The following SPIDR variants were observed in gnomAD, a reference collection of about 807,000 sequenced individuals.
SPIDR encodes DNA repair-scaffolding protein.
SPIDR carries 93 observed loss-of-function variants against 104.6 expected under a neutral mutation model. The ratio of observed to expected loss-of-function variants is 0.89; its 90% CI spans 0.75 to 1.06. The LOEUF (loss-of-function observed/expected upper bound fraction) is 1.06. Ranked by LOEUF, SPIDR falls within the 50% of genes least tolerant of loss-of-function variation. The pLI, the probability that SPIDR is intolerant of heterozygous loss-of-function variation, is 0.00. For missense variants in SPIDR, 1,154 were observed against 1,111.2 expected (o/e 1.04, Z -0.55); for synonymous variants, 431 against 416.9 (o/e 1.03, Z -0.41).
At chr8:47,403,313 C>T (rs1554664781) in intron 6 of SPIDR, among the ~76,000 whole-genome samples, 1 of 152,202 alleles carries the variant, frequency 6.6e-6, no homozygotes, top group Non-Finnish European at 1.5e-5. Context: ...GATGCCCTCT[C>T]TCACCACTCC....
chr8:47,675,053 T>A (rs187349086), intron 11 of SPIDR, among the ~76,000 whole-genome samples: 2 of 152,350 alleles, frequency 1.3e-5, no homozygotes, highest in Admixed American at 1.3e-4. Flanking sequence ...ATTTTGTTTT[T>A]GAGACAGAGT....
chr8:47,433,656 G>C (rs1381565768), intron 7 of SPIDR, among the ~76,000 whole-genome samples: 1 of 152,208 alleles, frequency 6.6e-6, no homozygotes, highest in East Asian at 1.9e-4. Context: ...CAAATCATTT[G>C]ACCTAAGTCT....
At chr8:47,316,359 G>A (rs1586826288) in intron 5 of SPIDR, among the ~76,000 whole-genome samples, 1 of 152,108 alleles carries the variant, frequency 6.6e-6, no homozygotes, top group Non-Finnish European at 1.5e-5. Flanking sequence ...CCATGACTTA[G>A]CAATTCTACT....
At chr8:47,701,689 A>C (rs779976593) in intron 12 of SPIDR, 32 bp from the exon 13 acceptor site, 1 of 1,605,814 alleles carries the variant, frequency 6.2e-7, no homozygotes, top group Non-Finnish European at 8.5e-7. Context: ...TTAACAATAC[A>C]TTCACCTTCT....
At chr8:47,260,878 AATGGCAGGGCGCGGTGCGGCGCGCCG>A (rs1329048003), upstream of SPIDR, 4 of 1,154,524 alleles carry the variant, frequency 3.5e-6, no homozygotes, top group African/African-American at 4.9e-5. Context: ...AGCGCCCGCC[AATGGCAGGGCGCGGTGCGGCGCGCCG>A]AGGTGGGACG....
intron 10 of SPIDR, among the ~76,000 whole-genome samples, chr8:47,650,864 A>G (rs1192233586): frequency 6.6e-6 from 1 of 152,214 alleles, no homozygotes; most frequent in East Asian, 1.9e-4. Context: ...AGGACACCCT[A>G]TTTAATCATT....
intron 2 of SPIDR, among the ~76,000 whole-genome samples, chr8:47,283,191 G>C (rs1313336742): frequency 6.6e-6 from 1 of 152,146 alleles, no homozygotes; most frequent in Admixed American, 6.6e-5. Flanking sequence ...GAGACATTCA[G>C]CTCTTCCTTT....
chr8:47,626,973 G>A (rs1463069260), intron 10 of SPIDR, among the ~76,000 whole-genome samples: 2 of 152,170 alleles, frequency 1.3e-5, no homozygotes, highest in Middle Eastern at 3.2e-3. Flanking sequence ...CAATAGCAAA[G>A]ACCAGGAACC....
At chr8:47,603,430 G>C (rs2062548244) in intron 10 of SPIDR, among the ~76,000 whole-genome samples, 1 of 151,944 alleles carries the variant, frequency 6.6e-6, no homozygotes, top group Non-Finnish European at 1.5e-5. Context: ...GTCTTGCTCT[G>C]TTGCCTAGGC....
intron 5 of SPIDR, among the ~76,000 whole-genome samples, chr8:47,344,883 G>T (rs559668698): frequency 6.6e-6 from 1 of 152,198 alleles, no homozygotes; most frequent in Admixed American, 6.5e-5. Context: ...TTTTCAGATG[G>T]ATAGATTGCA....
chr8:47,327,961 G>C (rs1040841557), intron 5 of SPIDR, among the ~76,000 whole-genome samples: 2 of 149,976 alleles, frequency 1.3e-5, no homozygotes, highest in African/African-American at 2.5e-5. Flanking sequence ...GCCTTCGAAA[G>C]TGCTGGGATT....
intron 19 of SPIDR, chr8:47,732,439 G>A: frequency 3.8e-6 from 2 of 522,048 alleles, no homozygotes; most frequent in South Asian, 4.7e-5. Flanking sequence ...ATTGGGTGAG[G>A]GCCAGAGGGT....
At chr8:47,658,927 A>G (rs1486945361) in intron 10 of SPIDR, among the ~76,000 whole-genome samples, 11 of 138,538 alleles carry the variant, frequency 7.9e-5, no homozygotes, top group Admixed American at 2.3e-4. Context: ...CAAGAGCAAA[A>G]CTCCATCTCC....
chr8:47,688,020 T>A (rs1385379498), intron 11 of SPIDR, among the ~76,000 whole-genome samples: 27 of 143,556 alleles, frequency 1.9e-4, no homozygotes, highest in African/African-American at 7.6e-4. Flanking sequence ...AAAAAAAGTG[T>A]GTGTGTGTGT....
chr8:47,509,050 T>G (rs1364892673), intron 8 of SPIDR, among the ~76,000 whole-genome samples: 4 of 152,184 alleles, frequency 2.6e-5, no homozygotes, highest in Non-Finnish European at 5.9e-5. Context: ...GCTGTCGTGC[T>G]GGATCCCTCT....
At chr8:47,419,869 G>A (rs554393372) in intron 7 of SPIDR, among the ~76,000 whole-genome samples, 11 of 152,134 alleles carry the variant, frequency 7.2e-5, no homozygotes, top group East Asian at 5.8e-4. Flanking sequence ...CCTTCATTTC[G>A]TTATGTACCC....
chr8:47,282,767 C>A (rs989100370), intron 2 of SPIDR, among the ~76,000 whole-genome samples: 1 of 152,200 alleles, frequency 6.6e-6, no homozygotes, highest in Non-Finnish European at 1.5e-5. Flanking sequence ...ACTGGCTTAA[C>A]GGTTTGGCTC....
At chr8:47,681,781 G>A (rs930293257) in intron 11 of SPIDR, among the ~76,000 whole-genome samples, 1 of 152,084 alleles carries the variant, frequency 6.6e-6, no homozygotes. Context: ...TTGATAATGT[G>A]TATTTTGCAT....
intron 8 of SPIDR, chr8:47,511,894 T>A: frequency 1.3e-6 from 1 of 799,298 alleles, no homozygotes; most frequent in Non-Finnish European, 2.3e-6. Flanking sequence ...TTCCTCATCC[T>A]CATCTTGGTC....
Sources: gnomAD v4.1 joint callset for allele counts (sites outside exome capture counted in the v4.1 genomes callset) on GRCh38, gnomAD v4.1.1 for gene constraint, MANE v1.5 for transcripts, NCBI Gene and HGNC (gene_info 2026-07-23, HGNC 2026-07-21) for gene names.